Variants in FGGY observed in about 807,000 individuals in gnomAD.
FGGY encodes the protein FGGY carbohydrate kinase domain-containing protein.
Under a neutral mutation model 71.3 loss-of-function variants are expected in FGGY, and 72 were observed. The ratio of observed to expected loss-of-function variants is 1.01; its 90% CI spans 0.84 to 1.23. The LOEUF (loss-of-function observed/expected upper bound fraction) is 1.23, where lower values mean the gene tolerates loss of function less well. Among genes scored for constraint, FGGY ranks in the 50% most tolerant of loss-of-function variants. The pLI, the probability that FGGY is intolerant of heterozygous loss-of-function variation, is 0.00. For synonymous variants in FGGY, 251 were observed against 250.3 expected, an observed-to-expected ratio of 1.00 and a Z score of -0.02; for missense variants, 668 against 682.3, an observed-to-expected ratio of 0.98 and a Z score of 0.23.
intron 8 of FGGY, among the ~76,000 whole-genome samples, chr1:59,606,448 C>T (rs917446978): frequency 2.6e-5 from 4 of 152,284 alleles, no homozygotes; most frequent in South Asian, 2.1e-4. Flanking sequence ...GCTCACCTTA[C>T]GGCAGTTACA....
At chr1:59,342,436 C>A (rs563029409) in intron 3 of FGGY, among the ~76,000 whole-genome samples, 9 of 152,178 alleles carry the variant, frequency 5.9e-5, no homozygotes, top group African/African-American at 2.2e-4. Context: ...GTTAACAAAT[C>A]CTCTATTAAA....
In FGGY at chr1:59,317,391, G is replaced by A. The variant is rs554722532; in HGVS notation, c.-14-4145G>A. On this transcript the variant is annotated intron_variant, in intron 1 of 15. Transcript: ENST00000303721. ...AAAGTGGTGATAGGTTTACCAAACT[G>A]ATTGGGTTTCTGTGAATGAGATTAA... Among the ~76,000 whole-genome samples, 24 of 152,338 alleles carry A rather than the reference G, an allele frequency of 1.6e-4. 2 individuals carry two copies. The highest frequency in any genetic ancestry group is 5.8e-4 in the African/African-American group (24 of 41,580).
chr1:59,723,723 A>G (rs140497848), intron 14 of FGGY, among the ~76,000 whole-genome samples: 44 of 152,308 alleles, frequency 2.9e-4, no homozygotes, highest in African/African-American at 1.0e-3. Context: ...ACATTCCATC[A>G]TGGGATCCCC....
intron 4 of FGGY, among the ~76,000 whole-genome samples, chr1:59,372,008 C>A (rs565885211): frequency 0.028 from 4,230 of 151,944 alleles, 212 homozygotes; most frequent in African/African-American, 0.097. Context: ...ACTAGAAAAG[C>A]AAGAGCAAAC....
chr1:59,310,223 A>G (rs2044062997), intron 1 of FGGY: 1 of 152,188 alleles, frequency 6.6e-6, no homozygotes, highest in Non-Finnish European at 1.5e-5. Flanking sequence ...TTTCTGGGAA[A>G]AACTGTGGAT....
At chr1:59,558,625 A>G (rs1383026162) in intron 8 of FGGY, among the ~76,000 whole-genome samples, 2 of 152,194 alleles carry the variant, frequency 1.3e-5, no homozygotes, top group East Asian at 3.8e-4. Flanking sequence ...ATAAGTGTCT[A>G]TGTTCAGCTG....
At chr1:59,754,472 G>A (rs2098273730) in intron 14 of FGGY, among the ~76,000 whole-genome samples, 2 of 152,042 alleles carry the variant, frequency 1.3e-5, no homozygotes, top group African/African-American at 4.8e-5. Context: ...CTGGAGTGCT[G>A]GAGTGCAGTG....
chr1:59,412,549 G>A (rs960617313), intron 5 of FGGY, among the ~76,000 whole-genome samples: 1 of 152,048 alleles, frequency 6.6e-6, no homozygotes, highest in Admixed American at 6.6e-5. Context: ...TGGGTCTGCT[G>A]TCTCGGGGAC....
At chr1:59,585,329 C>A (rs1162890625) in intron 8 of FGGY, among the ~76,000 whole-genome samples, 6 of 152,108 alleles carry the variant, frequency 3.9e-5, no homozygotes, top group Admixed American at 6.5e-5. Flanking sequence ...GAGATGCAGA[C>A]CAATGGAACA....
chr1:59,462,439 A>C lies in FGGY; in HGVS notation c.670+5363A>C, dbSNP rs551992011. 1.7e-3 allele frequency among the ~76,000 whole-genome samples: 264 copies of C among 152,256 alleles called. 3 individuals are homozygous for C. The highest frequency in any genetic ancestry group is 5.8e-3 in the African/African-American group (242 of 41,548). ...TAAAACACCAAAAGCAATGGCAACA[A>C]AAGCCAAAATTGACAAATGGGATCT... is the stretch of plus-strand genomic sequence containing the variant. On this transcript the variant is annotated intron_variant, in intron 6 of 15. Coordinates refer to ENST00000303721, the MANE Select transcript of FGGY (RefSeq NM_018291.5).
intron 5 of FGGY, among the ~76,000 whole-genome samples, chr1:59,388,931 C>T (rs968612759): frequency 1.3e-5 from 2 of 151,884 alleles, no homozygotes; most frequent in Admixed American, 1.3e-4. Context: ...AATAATAACT[C>T]CCCATTTCCC....
intron 7 of FGGY, among the ~76,000 whole-genome samples, chr1:59,551,997 T>G (rs762551395): frequency 2.0e-5 from 3 of 152,144 alleles, no homozygotes; most frequent in Non-Finnish European, 4.4e-5. Context: ...ATGGCGATCC[T>G]GATGATGGAG....
At chr1:59,329,093 A>G (rs2047961682) in intron 2 of FGGY, among the ~76,000 whole-genome samples, 1 of 152,126 alleles carries the variant, frequency 6.6e-6, no homozygotes, top group South Asian at 2.1e-4. Flanking sequence ...CACACCTTCA[A>G]TTTGTAAAAA....
At chr1:59,369,657 C>G (rs984364868) in intron 4 of FGGY, among the ~76,000 whole-genome samples, 2 of 152,212 alleles carry the variant, frequency 1.3e-5, no homozygotes, top group African/African-American at 2.4e-5. Flanking sequence ...AACTGGGAGG[C>G]ACCCCCCAGT....
At chr1:59,738,380 A>C (rs1300596545) in intron 14 of FGGY, among the ~76,000 whole-genome samples, 1 of 152,222 alleles carries the variant, frequency 6.6e-6, no homozygotes, top group Non-Finnish European at 1.5e-5. Flanking sequence ...GTAAACACAG[A>C]TGCAGCCAAA....
At chr1:59,353,630 C>T (rs76328361) in intron 4 of FGGY, among the ~76,000 whole-genome samples, 2,757 of 152,222 alleles carry the variant, frequency 0.018, 37 homozygotes, top group East Asian at 0.053. Flanking sequence ...TTACCAGTGC[C>T]GCCAGTCTCA....
intron 9 of FGGY, among the ~76,000 whole-genome samples, chr1:59,613,381 C>T (rs897655425): frequency 5.3e-5 from 8 of 152,166 alleles, no homozygotes; most frequent in African/African-American, 1.9e-4. Context: ...ACTGAACAAC[C>T]TGCTCCTGAA....
At chr1:59,354,782 C>T (rs2053979620) in intron 4 of FGGY, among the ~76,000 whole-genome samples, 1 of 152,156 alleles carries the variant, frequency 6.6e-6, no homozygotes, top group Non-Finnish European at 1.5e-5. Flanking sequence ...AGAAAATAGA[C>T]ACACACAAAG....
At chr1:59,380,722 T>A (rs576636569) in intron 5 of FGGY, among the ~76,000 whole-genome samples, 5 of 151,678 alleles carry the variant, frequency 3.3e-5, no homozygotes, top group African/African-American at 1.2e-4. Context: ...ATTGCAAAAA[T>A]TTTCTCCCAT....
Sources: allele counts gnomAD v4.1 joint callset (sites outside exome capture counted in the v4.1 genomes callset), GRCh38; gene constraint gnomAD v4.1.1; transcripts MANE v1.5; gene names NCBI Gene and HGNC (gene_info 2026-07-23, HGNC 2026-07-21).